EXT2: variants seen among roughly 807,000 people sequenced by gnomAD.
EXT2 encodes the protein exostosin glycosyltransferase 2, also known as exostosin-2.
Under a neutral mutation model 81.6 loss-of-function variants are expected in EXT2, and 53 were observed. That is an observed-to-expected ratio of 0.65 (90% CI 0.52 to 0.82). The LOEUF (loss-of-function observed/expected upper bound fraction) is 0.82, where lower values mean the gene tolerates loss of function less well. EXT2 is among the 40% of genes least tolerant of loss of function. The pLI is 0.00. For synonymous variants in EXT2, 320 were observed against 340.0 expected (o/e 0.94, Z 0.65); for missense variants, 774 against 910.2 (o/e 0.85, Z 1.93).
At chr11:44,188,745 T>C (rs1039402906) in intron 8 of EXT2, among the ~76,000 whole-genome samples, 3 of 152,108 alleles carry the variant, frequency 2.0e-5, no homozygotes, top group Admixed American at 6.6e-5. Context: ...TTGTTCAGAA[T>C]GCAGCCCAAA....
chr11:44,222,548 T>G (rs1264508451), intron 10 of EXT2, among the ~76,000 whole-genome samples: 1 of 152,216 alleles, frequency 6.6e-6, no homozygotes, highest in Non-Finnish European at 1.5e-5. Context: ...CCTTGCTGAC[T>G]TTTTCAACAA....
At chr11:44,217,884 A>G (rs1955738410) in intron 10 of EXT2, among the ~76,000 whole-genome samples, 1 of 152,226 alleles carries the variant, frequency 6.6e-6, no homozygotes, top group Non-Finnish European at 1.5e-5. Context: ...ATTTCCAACC[A>G]TAAAAATTAC....
chr11:44,214,034 A>G (rs916870562), intron 10 of EXT2, among the ~76,000 whole-genome samples: 8 of 152,216 alleles, frequency 5.3e-5, no homozygotes, highest in Non-Finnish European at 1.2e-4. Context: ...TAAGGAAAGG[A>G]GAAAATATGC....
chr11:44,106,045 C>T (rs148683884), intron 1 of EXT2, among the ~76,000 whole-genome samples: 123 of 152,288 alleles, frequency 8.1e-4, no homozygotes, highest in African/African-American at 2.8e-3. Flanking sequence ...TAGAGCATGG[C>T]GGCTGGATTC....
At chr11:44,165,040 G>A (rs1363630835) in intron 7 of EXT2, among the ~76,000 whole-genome samples, 5 of 151,652 alleles carry the variant, frequency 3.3e-5, no homozygotes, top group Non-Finnish European at 4.4e-5. Flanking sequence ...CACCACGCCC[G>A]GCTAATTTTT....
At position 44,199,324 on chromosome 11, in the gene EXT2, T is replaced by C. The variant is rs1955495453; in HGVS notation, c.1495+1306T>C. 1.3e-5 allele frequency among the ~76,000 whole-genome samples: 2 copies of C among 152,128 alleles called. 1 individual carries two copies. Among genetic ancestry groups the C allele is most frequent in the South Asian group, 4.1e-4 (2 of 4,830 alleles). ...ATAAGGAACTATGTAAAGAAGGAAA[T>C]TGTTGACTTGGATTTCTTCATACCA... On this transcript the variant is annotated intron_variant, in intron 9 of 13. Transcript: ENST00000533608.
chr11:44,130,266 T>A, intron 7 of EXT2, 128 bp downstream of exon 7: 1 of 738,796 alleles, frequency 1.4e-6, no homozygotes, highest in Non-Finnish European at 2.5e-6. Flanking sequence ...CTAGCCAAAC[T>A]GAAACGATAG....
At chr11:44,176,390 A>G (rs1042333647) in intron 8 of EXT2, among the ~76,000 whole-genome samples, 3 of 152,230 alleles carry the variant, frequency 2.0e-5, no homozygotes, top group African/African-American at 7.2e-5. Flanking sequence ...TCAAAGTGCT[A>G]AACTCTTAAC....
intron 10 of EXT2, among the ~76,000 whole-genome samples, chr11:44,221,269 G>C (rs570011619): frequency 6.6e-6 from 1 of 152,262 alleles, no homozygotes; most frequent in South Asian, 2.1e-4. Context: ...GGCCAGCGCT[G>C]TGTGTTCTGC....
chr11:44,187,070 GTCCC>G (rs546545560), intron 8 of EXT2, among the ~76,000 whole-genome samples: 59 of 79,676 alleles, frequency 7.4e-4, no homozygotes, highest in African/African-American at 2.8e-3. Flanking sequence ...CCCTCCCTCC[GTCCC>G]TCCCTCCCTC....
intron 7 of EXT2, among the ~76,000 whole-genome samples, chr11:44,155,617 A>G (rs1353635847): frequency 1.3e-5 from 2 of 152,170 alleles, no homozygotes; most frequent in Non-Finnish European, 2.9e-5. Context: ...GAGAAAACTA[A>G]TGAAAACTTA....
chr11:44,228,380 GA>G (rs1422477754), intron 10 of EXT2, among the ~76,000 whole-genome samples: 1 of 152,160 alleles, frequency 6.6e-6, no homozygotes, highest in Non-Finnish European at 1.5e-5. Flanking sequence ...AAGGTAAAAG[GA>G]AAAAAGTTGA....
At chr11:44,102,316 C>A (rs1953996318) in intron 1 of EXT2, among the ~76,000 whole-genome samples, 1 of 152,086 alleles carries the variant, frequency 6.6e-6, no homozygotes, top group Non-Finnish European at 1.5e-5. Context: ...CTCTAGTCTC[C>A]CATCCTGCTT....
At chr11:44,209,901 T>C (rs1955627220) in intron 10 of EXT2, among the ~76,000 whole-genome samples, 1 of 152,246 alleles carries the variant, frequency 6.6e-6, no homozygotes, top group Non-Finnish European at 1.5e-5. Flanking sequence ...TCTTATTCAT[T>C]GCTATGCCCT....
At chr11:44,202,835 A>C (rs1053944655) in intron 9 of EXT2, among the ~76,000 whole-genome samples, 1 of 152,242 alleles carries the variant, frequency 6.6e-6, no homozygotes, top group Admixed American at 6.5e-5. Flanking sequence ...TCAAGGTCAC[A>C]TGACAAGCAA....
intron 7 of EXT2, among the ~76,000 whole-genome samples, chr11:44,158,061 T>C (rs1415289105): frequency 6.6e-6 from 1 of 152,230 alleles, no homozygotes; most frequent in African/African-American, 2.4e-5. Context: ...TATTCTGCTG[T>C]GGTTGAGCTA....
At chr11:44,204,061 G>A (rs536597533) in intron 9 of EXT2, among the ~76,000 whole-genome samples, 15 of 152,282 alleles carry the variant, frequency 9.9e-5, no homozygotes, top group Middle Eastern at 3.4e-3. Context: ...GGGCTTGTTG[G>A]TACTTCTTTT....
intron 7 of EXT2, among the ~76,000 whole-genome samples, chr11:44,163,952 C>T (rs1051614901): frequency 6.6e-6 from 1 of 152,196 alleles, no homozygotes; most frequent in African/African-American, 2.4e-5. Context: ...TTCCCCCTCT[C>T]TCCTCTTCTG....
chr11:44,144,348 G>A (rs1954687012), intron 7 of EXT2: 2 of 1,595,366 alleles, frequency 1.3e-6, no homozygotes, highest in African/African-American at 1.3e-5. Context: ...AGGCATGGGT[G>A]ACTTAGAAAA....
Sources: gnomAD v4.1 joint callset for allele counts (sites outside exome capture counted in the v4.1 genomes callset) on GRCh38, gnomAD v4.1.1 for gene constraint, MANE v1.5 for transcripts, NCBI Gene and HGNC (gene_info 2026-07-23, HGNC 2026-07-21) for gene names.